SENP7: variants seen among roughly 807,000 people sequenced by gnomAD.
SENP7 encodes the protein SUMO specific peptidase 7.
A neutral mutation model predicts 141.2 loss-of-function variants in SENP7; 64 were observed. That is an observed-to-expected ratio of 0.45 (90% CI 0.37 to 0.56). The LOEUF (loss-of-function observed/expected upper bound fraction) is 0.56. Among genes scored for constraint, SENP7 ranks in the 20% least tolerant of loss-of-function variants. The pLI is 0.00. For synonymous variants in SENP7, 382 were observed against 426.4 expected, an observed-to-expected ratio of 0.90 and a Z score of 1.28; for missense variants, 1,025 against 1,212.2, an observed-to-expected ratio of 0.85 and a Z score of 2.29.
At chr3:101,358,327 T>C (rs2059798874) in intron 11 of SENP7, 2 of 805,394 alleles carry the variant, frequency 2.5e-6, no homozygotes, top group Admixed American at 2.1e-5. Flanking sequence ...TAATTCATAT[T>C]GCACAGGAAA....
At chr3:101,439,253 GC>G (rs1161038103) in intron 4 of SENP7, among the ~76,000 whole-genome samples, 1 of 105,376 alleles carries the variant, frequency 9.5e-6, no homozygotes, top group Admixed American at 9.8e-5. Context: ...GAGCGTCTCT[GC>G]CCGGCCGCCC....
chr3:101,495,545 A>G (rs532909331), intron 2 of SENP7, among the ~76,000 whole-genome samples: 1 of 152,380 alleles, frequency 6.6e-6, no homozygotes, highest in South Asian at 2.1e-4. Flanking sequence ...TATAAAACAT[A>G]TATACATAGG....
At chr3:101,388,718 A>G (rs2060728668) in intron 6 of SENP7, among the ~76,000 whole-genome samples, 1 of 152,168 alleles carries the variant, frequency 6.6e-6, no homozygotes, top group South Asian at 2.1e-4. Flanking sequence ...GAGATATAAG[A>G]GAACACAAAT....
rs574389400 is a variant in SENP7 at position 101,494,151 on chromosome 3, T to C, written c.91-183A>G. On this transcript the variant is annotated intron_variant, in intron 2 of 23. Transcript: ENST00000394095. ...TATTCACAAAAAACCTCTCCTTGAC[T>C]CTGAAAGTCAAATGAAAGTTGAATG... Among the ~76,000 whole-genome samples, 24 of 152,346 alleles carry C rather than the reference T, an allele frequency of 1.6e-4. No homozygotes were observed. In the South Asian group the frequency reaches 4.6e-3, roughly 29 times the overall value.
chr3:101,347,398 T>C (rs1015096129), intron 13 of SENP7: 1 of 152,082 alleles, frequency 6.6e-6, no homozygotes, highest in African/African-American at 2.4e-5. Flanking sequence ...GGAGAAATTA[T>C]GTGAATTAAA....
intron 4 of SENP7, among the ~76,000 whole-genome samples, chr3:101,433,255 C>T (rs1046000666): frequency 7.1e-6 from 1 of 140,798 alleles, no homozygotes; most frequent in African/African-American, 2.7e-5. Flanking sequence ...AAAAAACATA[C>T]AATGGATACA....
At chr3:101,385,541 C>G (rs1324115054) in intron 6 of SENP7, among the ~76,000 whole-genome samples, 1 of 152,216 alleles carries the variant, frequency 6.6e-6, no homozygotes, top group African/African-American at 2.4e-5. Flanking sequence ...CCCCGTCCAA[C>G]TGCTGAACTC....
chr3:101,427,490 C>CAA lies in SENP7; in HGVS notation c.285-9702_285-9701dup, dbSNP rs55677738. On this transcript the variant is annotated intron_variant, in intron 4 of 23. Transcript: ENST00000394095. ...GGGTGACAGAGCAAGACACTGTCTC[C>CAA]AAAAAAAAAAAAAAAAAAATTTGAT... Among the ~76,000 whole-genome samples the CAA allele has an allele frequency of 5.1e-4, 52 of 101,012 alleles. 3 individuals are homozygous for CAA. Among genetic ancestry groups the CAA allele is most frequent in the African/African-American group, 7.8e-4 (19 of 24,346 alleles). The allele number at this position is 101,012 out of a possible 152,430, so 66.3% of individuals were successfully genotyped here. A position where few individuals can be genotyped will look rare whatever the true frequency, so the allele number is the denominator to read the frequency against.
At chr3:101,348,975 A>G (rs1262979183) in intron 12 of SENP7, among the ~76,000 whole-genome samples, 1 of 152,168 alleles carries the variant, frequency 6.6e-6, no homozygotes, top group Non-Finnish European at 1.5e-5. Flanking sequence ...TTTGTTACTC[A>G]AAGTATAGTC....
intron 5 of SENP7, among the ~76,000 whole-genome samples, chr3:101,399,611 T>A (rs1205891400): frequency 1.3e-5 from 2 of 152,110 alleles, no homozygotes; most frequent in African/African-American, 4.8e-5. Flanking sequence ...AGGAAAAGAG[T>A]CAATACATTT....
At chr3:101,383,311 T>C (rs1277179702) in intron 6 of SENP7, among the ~76,000 whole-genome samples, 2 of 152,146 alleles carry the variant, frequency 1.3e-5, no homozygotes, top group African/African-American at 2.4e-5. Context: ...CAGCAGCCCA[T>C]CTGGAGCAGC....
chr3:101,334,141 C>T (rs1301715255), intron 17 of SENP7, among the ~76,000 whole-genome samples: 1 of 152,186 alleles, frequency 6.6e-6, no homozygotes, highest in Admixed American at 6.5e-5. Flanking sequence ...TGGCTCCTAA[C>T]AGGCCACAGA....
chr3:101,375,547 A>G (rs1576142936), intron 6 of SENP7, among the ~76,000 whole-genome samples: 1 of 146,074 alleles, frequency 6.8e-6, no homozygotes, highest in East Asian at 2.0e-4. Flanking sequence ...CATCTCCAAA[A>G]AAAAAAAAAA....
rs116134656 is a variant in SENP7, at chr3:101,384,996, C to T, written c.678-12870G>A. On this transcript the variant is annotated intron_variant, in intron 6 of 23. Coordinates refer to ENST00000394095, the MANE Select transcript of SENP7 (RefSeq NM_020654.5). The stretch of plus-strand genomic sequence containing the variant: ...ATGGCCTAATACAAAAAATAAAAGA[C>T]GAATGAAATGAAGACAATTTAATGA... Among the ~76,000 whole-genome samples the T allele has an allele frequency of 6.4e-3, 973 of 152,152 alleles. 6 individuals carry two copies. The highest frequency in any genetic ancestry group is 0.022 in the African/African-American group (895 of 41,506).
intron 6 of SENP7, among the ~76,000 whole-genome samples, chr3:101,385,474 A>T (rs1389576212): frequency 7.9e-5 from 12 of 152,230 alleles, no homozygotes; most frequent in African/African-American, 2.7e-4. Context: ...TTAGCAAAGC[A>T]GGTGGTCCTA....
chr3:101,434,910 A>T (rs560476745), intron 4 of SENP7, among the ~76,000 whole-genome samples: 2 of 152,192 alleles, frequency 1.3e-5, no homozygotes, highest in African/African-American at 4.8e-5. Context: ...ATACTTCCAA[A>T]CTCATTCTAC....
At chr3:101,348,179 A>G in intron 12 of SENP7, 128 bp from the exon 13 acceptor site, 1 of 590,516 alleles carries the variant, frequency 1.7e-6, no homozygotes, top group Non-Finnish European at 2.7e-6. Flanking sequence ...TTTTTTCAAA[A>G]ATATATTTCC....
chr3:101,477,191 T>C (rs1489581117), intron 3 of SENP7, among the ~76,000 whole-genome samples: 1 of 152,124 alleles, frequency 6.6e-6, no homozygotes, highest in African/African-American at 2.4e-5. Flanking sequence ...ATGCCCTGAA[T>C]GGTATTACCT....
At chr3:101,374,967 G>A (rs1181259455) in intron 6 of SENP7, among the ~76,000 whole-genome samples, 1 of 151,936 alleles carries the variant, frequency 6.6e-6, no homozygotes, top group Non-Finnish European at 1.5e-5. Context: ...TTGAAGAGAT[G>A]TTTCTCCAAA....
Sources: gnomAD v4.1 joint callset for allele counts (sites outside exome capture counted in the v4.1 genomes callset) on GRCh38, gnomAD v4.1.1 for gene constraint, MANE v1.5 for transcripts, NCBI Gene and HGNC (gene_info 2026-07-23, HGNC 2026-07-21) for gene names.